Variants in FOXK1 observed in about 807,000 individuals in gnomAD.
FOXK1 encodes the protein forkhead box protein K1.
FOXK1 carries 19 observed loss-of-function variants against 51.9 expected under a neutral mutation model. That is an observed-to-expected ratio of 0.37 (90% CI 0.26 to 0.54). The LOEUF (loss-of-function observed/expected upper bound fraction) is 0.54. Among genes scored for constraint, FOXK1 ranks in the 20% least tolerant of loss-of-function variants. The pLI is 0.87. For missense variants in FOXK1, 870 were observed against 1,032.7 expected, an observed-to-expected ratio of 0.84 and a Z score of 2.16; for synonymous variants, 537 against 482.6, an observed-to-expected ratio of 1.11 and a Z score of -1.48.
chr7:4,751,760 G>A (rs1480074814), intron 2 of FOXK1, among the ~76,000 whole-genome samples: 2 of 152,324 alleles, frequency 1.3e-5, no homozygotes, highest in East Asian at 1.9e-4. Flanking sequence ...CAGAAGCTGC[G>A]CTGTCGTACC....
rs80214040 is a variant in FOXK1, at chr7:4,732,917, G to T, written c.561-7921G>T. ...TCGTCCAGCGTTCTCTGTACCTATT[G>T]TGAATTGATCTCTGGACGCTGACCC... On this transcript the variant is annotated intron_variant, in intron 1 of 8. Coordinates refer to ENST00000328914, the MANE Select transcript of FOXK1 (RefSeq NM_001037165.2). 2.6e-4 allele frequency among the ~76,000 whole-genome samples: 39 copies of T among 152,326 alleles called. No homozygotes were observed. In the East Asian group the frequency reaches 7.5e-3, roughly 29 times the overall value.
intron 1 of FOXK1, among the ~76,000 whole-genome samples, chr7:4,714,836 G>A (rs1414747354): frequency 6.6e-6 from 1 of 152,126 alleles, no homozygotes; most frequent in Non-Finnish European, 1.5e-5. Flanking sequence ...TGCAAAGGAA[G>A]GGCATAAAAC....
rs542724335 is a variant in FOXK1, at chr7:4,748,639, C to G, written c.747-5820C>G. ...CCTGATTCCCACGTCTTCCTCTTTC[C>G]TGATTTGTTCCTTTGTTTTACCAGA... On this transcript the variant is annotated intron_variant, in intron 2 of 8. Coordinates refer to ENST00000328914, the MANE Select transcript of FOXK1 (RefSeq NM_001037165.2). The surrounding 1 kb of genome is among the most constrained non-coding windows in gnomAD (Gnocchi z 4.9). Among the ~76,000 whole-genome samples, 52 of 152,304 alleles carry G rather than the reference C, an allele frequency of 3.4e-4. No individual in the cohort carries two copies. Among genetic ancestry groups the G allele is most frequent in the African/African-American group, 1.2e-3 (50 of 41,562 alleles).
At chr7:4,744,430 G>T (rs1434567838) in intron 2 of FOXK1, among the ~76,000 whole-genome samples, 4 of 152,130 alleles carry the variant, frequency 2.6e-5, no homozygotes, top group African/African-American at 9.7e-5. Flanking sequence ...AGGAGTCCCA[G>T]TTTCTCATTG....
rs1779838808 is a variant in FOXK1 at position 4,687,664 on chromosome 7, T to C, written c.560+4796T>C. Among the ~76,000 whole-genome samples the C allele has an allele frequency of 3.3e-5, 5 of 152,210 alleles. No individual in the cohort carries two copies. The South Asian group carries it at 1.0e-3, about 31-fold the overall frequency. On this transcript the variant is annotated intron_variant, in intron 1 of 8. Coordinates refer to ENST00000328914, the MANE Select transcript of FOXK1 (RefSeq NM_001037165.2). Reference sequence around the variant, plus strand: ...AATTCAAAATTCAAAAAATTTGTTTTCCTCATGAACCTGAGACCCTGTGCA... The same window carrying C: ...AATTCAAAATTCAAAAAATTTGTTTCCCTCATGAACCTGAGACCCTGTGCA...
At chr7:4,760,863 ATAAG>A (rs1471192101) in intron 7 of FOXK1, among the ~76,000 whole-genome samples, 197 bp from the exon 8 acceptor site, 15 of 152,360 alleles carry the variant, frequency 9.8e-5, no homozygotes, top group East Asian at 1.9e-4. Flanking sequence ...CAAAAAATAA[ATAAG>A]TAAGTAAAAT....
In FOXK1 at chr7:4,709,318, C is replaced by T. The variant is rs142519036; in HGVS notation, c.560+26450C>T. 6.6e-6 allele frequency among the ~76,000 whole-genome samples: 1 copy of T among 152,308 alleles called. No homozygotes were observed. Among genetic ancestry groups the T allele is most frequent in the Non-Finnish European group, 1.5e-5 (1 of 68,028 alleles). On this transcript the variant is annotated intron_variant, in intron 1 of 8. Coordinates refer to ENST00000328914, the MANE Select transcript of FOXK1 (RefSeq NM_001037165.2). This position sits in a 1 kb window ranked among gnomAD's most constrained non-coding sequence, Gnocchi z 5.6. ...CTTGTTAGGCCAGGTCAGCGTGAGG[C>T]CGCCTACTGTGCCTCCTTCCCAGTG...
In FOXK1 at chr7:4,731,758, C is replaced by CAAAAAAAAAAAAA. The variant is rs374959543; in HGVS notation, c.561-9073_561-9061dup. 1.5e-5 allele frequency among the ~76,000 whole-genome samples: 1 copy of CAAAAAAAAAAAAA among 68,672 alleles called. No individual in the cohort carries two copies. Among genetic ancestry groups the CAAAAAAAAAAAAA allele is most frequent in the African/African-American group, 4.8e-5 (1 of 21,000 alleles). 45.1% of individuals were successfully genotyped at this position (68,672 alleles called of 152,430 possible). A position where few individuals can be genotyped will look rare whatever the true frequency, so the allele number is the denominator to read the frequency against. ...TGGGCAACAAAGCGAAACTCTGCCT[C>CAAAAAAAAAAAAA]AAAAAAAAAAAAAAAAAAAGAAAAC... On this transcript the variant is annotated intron_variant, in intron 1 of 8. Transcript: ENST00000328914. The surrounding 1 kb of genome is among the most constrained non-coding windows in gnomAD (Gnocchi z 5.3).
intron 1 of FOXK1, among the ~76,000 whole-genome samples, chr7:4,704,755 T>C (rs1419706203): frequency 2.0e-5 from 3 of 151,992 alleles, no homozygotes; most frequent in Non-Finnish European, 2.9e-5. Context: ...TCTGTAGAGA[T>C]AGAACCTCAC....
chr7:4,755,063 T>C lies in FOXK1; in HGVS notation c.904-174T>C. On this transcript the variant is annotated intron_variant, in intron 3 of 8. Coordinates refer to ENST00000328914, the MANE Select transcript of FOXK1 (RefSeq NM_001037165.2). This position sits in a 1 kb window ranked among gnomAD's most constrained non-coding sequence, Gnocchi z 6.6. Reference sequence around the variant, plus strand: ...TTCCTTCCCATGAGGCAAAAATGGTTGTTCCTAGTTGAATGCAAGCACATT... The same window carrying C: ...TTCCTTCCCATGAGGCAAAAATGGTCGTTCCTAGTTGAATGCAAGCACATT... 1.4e-6 allele frequency: 1 copy of C among 726,334 alleles called. No homozygotes were observed. The highest frequency in any genetic ancestry group is 2.2e-6 in the Non-Finnish European group (1 of 464,498). 45.0% of individuals were successfully genotyped at this position (726,334 alleles called of 1,614,324 possible).
intron 1 of FOXK1, among the ~76,000 whole-genome samples, chr7:4,700,831 C>G (rs1277265015): frequency 2.0e-5 from 3 of 152,112 alleles, no homozygotes; most frequent in Non-Finnish European, 4.4e-5. Flanking sequence ...AACAAACAAA[C>G]AAGTACTTAC....
In FOXK1 at chr7:4,730,421, A is replaced by C. The variant is rs1780435575; in HGVS notation, c.561-10417A>C. Among the ~76,000 whole-genome samples, 1 of 152,190 alleles carries C rather than the reference A, an allele frequency of 6.6e-6. No individual in the cohort carries two copies. Among genetic ancestry groups the C allele is most frequent in the Non-Finnish European group, 1.5e-5 (1 of 68,038 alleles). On this transcript the variant is annotated intron_variant, in intron 1 of 8. Coordinates refer to ENST00000328914, the MANE Select transcript of FOXK1 (RefSeq NM_001037165.2). The surrounding 1 kb of genome is among the most constrained non-coding windows in gnomAD (Gnocchi z 4.7). ...GAGAACAGGGTTGTGGCATGGACCC[A>C]AAAGTGGAGTCACGGTTGCAGCTCT...
rs1454032627 is a variant in FOXK1 at position 4,743,648 on chromosome 7, C to T, written c.746+2625C>T. On this transcript the variant is annotated intron_variant, in intron 2 of 8. Coordinates refer to ENST00000328914, the MANE Select transcript of FOXK1 (RefSeq NM_001037165.2). This position sits in a 1 kb window ranked among gnomAD's most constrained non-coding sequence, Gnocchi z 5.3. ...GTACTTAAGTCTTCACCTAGTACCACCTTAAAGGCGCTGTAGAAATGGTGG... is the reference window on the plus strand; with the variant it reads ...GTACTTAAGTCTTCACCTAGTACCATCTTAAAGGCGCTGTAGAAATGGTGG... Among the ~76,000 whole-genome samples the T allele has an allele frequency of 3.3e-5, 5 of 152,192 alleles. No individual in the cohort carries two copies. Among genetic ancestry groups the T allele is most frequent in the Non-Finnish European group, 7.3e-5 (5 of 68,036 alleles).
chr7:4,735,750 C>T lies in FOXK1; in HGVS notation c.561-5088C>T, dbSNP rs575475726. On this transcript the variant is annotated intron_variant, in intron 1 of 8. Coordinates refer to ENST00000328914, the MANE Select transcript of FOXK1 (RefSeq NM_001037165.2). The surrounding 1 kb of genome is among the most constrained non-coding windows in gnomAD (Gnocchi z 4.7). ...TTTAAACCACCGTGCAGCACCTTCA[C>T]GATGCAAAACGTGCTCGTTCAGACT... 5.2e-4 allele frequency among the ~76,000 whole-genome samples: 79 copies of T among 152,298 alleles called. No individual in the cohort carries two copies. The highest frequency in any genetic ancestry group is 1.8e-3 in the African/African-American group (73 of 41,566).
Position 4,735,418 on chromosome 7 carries a change from G to T in FOXK1, c.561-5420G>T, listed in dbSNP as rs6977882. ...ATTGTTCCAGTCCGTGGTTTTCAGCGCATTCGCAGAGTTGCGCGGCCACCA... is the reference window on the plus strand; with the variant it reads ...ATTGTTCCAGTCCGTGGTTTTCAGCTCATTCGCAGAGTTGCGCGGCCACCA... On this transcript the variant is annotated intron_variant, in intron 1 of 8. Coordinates refer to ENST00000328914, the MANE Select transcript of FOXK1 (RefSeq NM_001037165.2). This position sits in a 1 kb window ranked among gnomAD's most constrained non-coding sequence, Gnocchi z 4.7. Among the ~76,000 whole-genome samples the T allele has an allele frequency of 6.6e-6, 1 of 152,148 alleles. No individual in the cohort carries two copies. Among genetic ancestry groups the T allele is most frequent in the African/African-American group, 2.4e-5 (1 of 41,416 alleles).
intron 1 of FOXK1, among the ~76,000 whole-genome samples, chr7:4,701,902 TATAA>T (rs1007723951): frequency 6.6e-6 from 1 of 151,876 alleles, no homozygotes; most frequent in African/African-American, 2.4e-5. Context: ...AAAAAATAAA[TATAA>T]ATAAATAAAA....
chr7:4,723,761 G>C lies in FOXK1; in HGVS notation c.561-17077G>C, dbSNP rs2115049551. ...TAGCTCACTGCAGCCTCAACCTCCT[G>C]GGCTCAAGCAATCCTCCCGCCTCAG... On this transcript the variant is annotated intron_variant, in intron 1 of 8. Coordinates refer to ENST00000328914, the MANE Select transcript of FOXK1 (RefSeq NM_001037165.2). The surrounding 1 kb of genome is among the most constrained non-coding windows in gnomAD (Gnocchi z 4.7). 6.6e-6 allele frequency among the ~76,000 whole-genome samples: 1 copy of C among 152,164 alleles called. No individual in the cohort carries two copies. Among genetic ancestry groups the C allele is most frequent in the Middle Eastern group, 3.4e-3 (1 of 292 alleles).
chr7:4,701,881 GAC>G (rs1162054799), intron 1 of FOXK1, among the ~76,000 whole-genome samples: 2 of 152,170 alleles, frequency 1.3e-5, no homozygotes, highest in Non-Finnish European at 2.9e-5. Context: ...CGATAAGCGA[GAC>G]TCCGTCTCAA....
intron 1 of FOXK1, among the ~76,000 whole-genome samples, chr7:4,701,110 G>A (rs1354710439): frequency 6.6e-6 from 1 of 152,210 alleles, no homozygotes; most frequent in Non-Finnish European, 1.5e-5. Flanking sequence ...TTCCTAGGCA[G>A]CATCTTGCAC....
Sources: allele counts gnomAD v4.1 joint callset (sites outside exome capture counted in the v4.1 genomes callset), GRCh38; gene constraint gnomAD v4.1.1; non-coding constraint Gnocchi (gnomAD v3.1); transcripts MANE v1.5; gene names NCBI Gene and HGNC (gene_info 2026-07-23, HGNC 2026-07-21).